SCN2A: variants seen among roughly 807,000 people sequenced by gnomAD.
SCN2A encodes the protein sodium voltage-gated channel alpha subunit 2, also known as sodium channel protein type 2 subunit alpha.
Under a neutral mutation model 188.7 loss-of-function variants are expected in SCN2A, and 20 were observed. The ratio of observed to expected loss-of-function variants is 0.11; its 90% CI spans 0.07 to 0.15. The LOEUF (loss-of-function observed/expected upper bound fraction) is 0.15. Among genes scored for constraint, SCN2A ranks in the 10% least tolerant of loss-of-function variants. SCN2A has a pLI of 1.00. For synonymous variants in SCN2A, 804 were observed against 833.1 expected, an observed-to-expected ratio of 0.97 and a Z score of 0.60; for missense variants, 1,278 against 2,445.0, an observed-to-expected ratio of 0.52 and a Z score of 10.07.
At position 165,386,758 on chromosome 2, in the gene SCN2A, G is replaced by T. The variant is rs1553463023; in HGVS notation, c.4564G>T (p.Gly1522Ter). ...PIPRPANKFQ[G>*]MVFDFVTKQV... ...TTATTTGTTCCAGAACAAATTCCAA[G>T]GAATGGTCTTTGATTTTGTAACCAA... is the stretch of plus-strand genomic sequence containing the variant. Residue 1522 changes from glycine to a stop codon, truncating the protein, a stop_gained, in exon 26 of 27, where the codon GGA becomes TGA. Transcript: ENST00000375437. LOFTEE classifies it high-confidence loss of function. 1 of 1,613,222 alleles carries T rather than the reference G, an allele frequency of 6.2e-7. No individual in the cohort carries two copies. Among genetic ancestry groups the T allele is most frequent in the Non-Finnish European group, 8.5e-7 (1 of 1,179,464 alleles).
chr2:165,365,105 A>C (rs1700654344), intron 17 of SCN2A, 38 bp from the exon 18 acceptor site: 1 of 1,590,540 alleles, frequency 6.3e-7, no homozygotes, highest in Admixed American at 1.7e-5. Flanking sequence ...GATTAAAGAA[A>C]ATAATTAAAT....
At chr2:165,384,458 C>A (rs757255085) in intron 25 of SCN2A, among the ~76,000 whole-genome samples, 9 of 152,086 alleles carry the variant, frequency 5.9e-5, no homozygotes, top group Admixed American at 6.6e-5. Context: ...AGACTCGAGA[C>A]TGGAGTTGTA....
intron 17 of SCN2A, among the ~76,000 whole-genome samples, chr2:165,357,563 G>A (rs12475996): frequency 0.42 from 64,435 of 151,802 alleles, 13,881 homozygotes; most frequent in East Asian, 0.53. Flanking sequence ...TCTAGAGTAG[G>A]CCATTTAAAA....
chr2:165,365,115 T>A, intron 17 of SCN2A, 28 bp from the exon 18 acceptor site: 3 of 1,601,274 alleles, frequency 1.9e-6, no homozygotes, highest in Non-Finnish European at 2.6e-6. Flanking sequence ...AATAATTAAA[T>A]GTGTTTTTTT....
At chr2:165,300,602 A>G (rs1696755323) in intron 3 of SCN2A, among the ~76,000 whole-genome samples, 1 of 152,188 alleles carries the variant, frequency 6.6e-6, no homozygotes, top group African/African-American at 2.4e-5. Context: ...TTCAAGGAGA[A>G]CAGCAAGTAT....
In SCN2A at chr2:165,280,175, C is replaced by T. The variant is rs1023858430; in HGVS notation, c.-51-15598C>T. 1.2e-4 allele frequency among the ~76,000 whole-genome samples: 18 copies of T among 152,192 alleles called. No individual in the cohort carries two copies. The South Asian group carries it at 1.2e-3, about 11-fold the overall frequency. ...ATGCAGGAGATAGAACCTTTAAAAG[C>T]AATGGTAATTTGTCTTGCAAGGCCT... On this transcript the variant is annotated intron_variant, in intron 1 of 26. Coordinates refer to ENST00000375437, the MANE Select transcript of SCN2A (RefSeq NM_001040142.2).
At chr2:165,343,381 G>A (rs1328534945) in intron 15 of SCN2A, among the ~76,000 whole-genome samples, 4 of 152,022 alleles carry the variant, frequency 2.6e-5, no homozygotes, top group Admixed American at 2.0e-4. Context: ...AATCTAGAAG[G>A]ATGCAAAAAA....
In SCN2A at chr2:165,381,258, G is replaced by A. The variant is rs139227817; in HGVS notation, c.4551+61G>A. 5.7e-3 allele frequency: 6,787 copies of A among 1,198,560 alleles called. 62 individuals carry two copies. The highest frequency in any genetic ancestry group is 0.041 in the Middle Eastern group (213 of 5,220). 74.2% of individuals were successfully genotyped at this position (1,198,560 alleles called of 1,614,324 possible). On this transcript the variant is annotated intron_variant, in intron 25 of 26. Transcript: ENST00000375437. Reference sequence around the variant, plus strand: ...ATATTACCTAACCGTTTCACAGCCCGAATTTCTAGAAACTAGTTATTTTTG... The same window carrying A: ...ATATTACCTAACCGTTTCACAGCCCAAATTTCTAGAAACTAGTTATTTTTG...
intron 1 of SCN2A, among the ~76,000 whole-genome samples, chr2:165,291,223 T>C: frequency 6.6e-6 from 1 of 151,694 alleles, no homozygotes; most frequent in Non-Finnish European, 1.5e-5. Flanking sequence ...TTCTATTTTT[T>C]AGTAGAGATG....
intron 14 of SCN2A, among the ~76,000 whole-genome samples, chr2:165,337,372 A>C (rs1034054531): frequency 6.6e-6 from 1 of 152,068 alleles, no homozygotes; most frequent in African/African-American, 2.4e-5. Context: ...TCAGAAGGAG[A>C]AAATAGAAAG....
chr2:165,277,089 A>C (rs1002990873), intron 1 of SCN2A, among the ~76,000 whole-genome samples: 8 of 152,068 alleles, frequency 5.3e-5, no homozygotes, highest in African/African-American at 1.9e-4. Flanking sequence ...TTTTGTCTTC[A>C]TTTTTTCTTA....
chr2:165,354,140 C>G, intron 16 of SCN2A, 52 bp from the exon 17 acceptor site: 1 of 1,609,320 alleles, frequency 6.2e-7, no homozygotes. Flanking sequence ...TGATGGAAAG[C>G]AATTGAAGCA....
rs1280426098 is a variant in SCN2A, at chr2:165,308,882, A to G, written c.605+88A>G. ...ATTTTCCTTGGTGGCTTGCCTTGAC[A>G]GACCAAGCATTTTTCTTAGTAATCA... On this transcript the variant is annotated intron_variant, in intron 5 of 26. Transcript: ENST00000375437. 2.0e-6 allele frequency: 3 copies of G among 1,496,760 alleles called. No homozygotes were observed. In the African/African-American group the frequency reaches 4.2e-5, roughly 21 times the overall value. The allele number at this position is 1,496,760 out of a possible 1,614,324, so 92.7% of individuals were successfully genotyped here.
intron 1 of SCN2A, among the ~76,000 whole-genome samples, chr2:165,263,181 A>G (rs1358862638): frequency 6.6e-6 from 1 of 151,522 alleles, no homozygotes; most frequent in Non-Finnish European, 1.5e-5. Flanking sequence ...ATTTTATCCC[A>G]CTCTGTGGGT....
At position 165,297,162 on chromosome 2, in the gene SCN2A, T is replaced by C. The variant is rs1234913074; in HGVS notation, c.386+27T>C. On this transcript the variant is annotated intron_variant, in intron 3 of 26. Coordinates refer to ENST00000375437, the MANE Select transcript of SCN2A (RefSeq NM_001040142.2). ...TATCCTTTTTCAAATCGTCACTTAA[T>C]ATGATTTTCTTCTTTGACCAAGTTA... 3 of 1,319,654 alleles carry C rather than the reference T, an allele frequency of 2.3e-6. No homozygotes were observed. The Admixed American group carries it at 5.1e-5, about 22-fold the overall frequency. The allele number at this position is 1,319,654 out of a possible 1,614,324, so 81.7% of individuals were successfully genotyped here.
intron 11 of SCN2A, among the ~76,000 whole-genome samples, chr2:165,319,657 A>G (rs980029763): frequency 1.3e-5 from 2 of 152,174 alleles, no homozygotes; most frequent in African/African-American, 2.4e-5. Context: ...CACACCTTAC[A>G]TGGATGGTGG....
chr2:165,336,769 A>G (rs914377789), intron 14 of SCN2A, among the ~76,000 whole-genome samples: 2 of 152,012 alleles, frequency 1.3e-5, no homozygotes, highest in African/African-American at 4.8e-5. Flanking sequence ...CTATTGATGG[A>G]TGTTCAAGTT....
At chr2:165,264,800 A>G (rs1430648291) in intron 1 of SCN2A, among the ~76,000 whole-genome samples, 1 of 151,898 alleles carries the variant, frequency 6.6e-6, no homozygotes, top group Admixed American at 6.6e-5. Flanking sequence ...ACATGATCTC[A>G]TTCTTTTTTT....
At chr2:165,253,152 T>C (rs1396111379) in intron 1 of SCN2A, among the ~76,000 whole-genome samples, 1 of 152,146 alleles carries the variant, frequency 6.6e-6, no homozygotes, top group Non-Finnish European at 1.5e-5. Flanking sequence ...TCTTATTATT[T>C]CATCTACATA....
Sources: gnomAD v4.1 joint callset for allele counts (sites outside exome capture counted in the v4.1 genomes callset) on GRCh38, gnomAD v4.1.1 for gene constraint, MANE v1.5 for transcripts, NCBI Gene and HGNC (gene_info 2026-07-23, HGNC 2026-07-21) for gene names.